The following TBCEL variants were observed in gnomAD, a reference collection of about 807,000 sequenced individuals.
The protein encoded by TBCEL is tubulin folding cofactor E like.
In TBCEL, 15 loss-of-function variants were observed where a neutral mutation model predicts 44.2. The observed-to-expected ratio is 0.34, with a 90% confidence interval of 0.23 to 0.52. The LOEUF is 0.52. TBCEL is among the 20% of genes least tolerant of loss of function. The pLI, the probability that TBCEL is intolerant of heterozygous loss-of-function variation, is 0.95. For synonymous variants in TBCEL, 171 were observed against 185.4 expected, an observed-to-expected ratio of 0.92 and a Z score of 0.63; for missense variants, 319 against 506.3, an observed-to-expected ratio of 0.63 and a Z score of 3.55.
intron 8 of TBCEL, among the ~76,000 whole-genome samples, chr11:121,086,219 T>G (rs547397517): frequency 2.6e-5 from 4 of 152,336 alleles, no homozygotes; most frequent in African/African-American, 9.6e-5. Context: ...TTTCCAAGAA[T>G]GTATTCTTAA....
chr11:121,055,203 G>T lies in TBCEL; in HGVS notation c.607G>T (p.Asp203Tyr). 6.2e-7 allele frequency: 1 copy of T among 1,612,214 alleles called. No homozygotes were observed. Among genetic ancestry groups the T allele is most frequent in the Non-Finnish European group, 8.5e-7 (1 of 1,178,968 alleles). ...RKLGVMFPSL[D>Y]TLVLANNHLN... ...GTTAGGAGTTATGTTTCCTTCACTG[G>T]ATACCCTCGTCCTGGCCAACAATCA... The change falls in exon 6 of 9, where the codon GAT becomes TAT. Residue 203 changes from aspartate (D) to tyrosine (Y), a missense_variant. Transcript: ENST00000683345.
chr11:121,083,272 GATA>G (rs986760572), intron 8 of TBCEL, among the ~76,000 whole-genome samples: 28 of 152,346 alleles, frequency 1.8e-4, no homozygotes, highest in African/African-American at 6.5e-4. Context: ...TACGTAGGAA[GATA>G]ATGAGTGGGA....
At chr11:121,057,001 A>C (rs140224377) in intron 6 of TBCEL, among the ~76,000 whole-genome samples, 3 of 151,986 alleles carry the variant, frequency 2.0e-5, no homozygotes, top group Admixed American at 2.0e-4. Flanking sequence ...AAATAACTCT[A>C]ACCTACAACT....
At chr11:121,067,976 T>C (rs1043173727) in intron 8 of TBCEL, among the ~76,000 whole-genome samples, 2 of 152,226 alleles carry the variant, frequency 1.3e-5, no homozygotes, top group African/African-American at 2.4e-5. Context: ...GCCCTCTTCA[T>C]GTTCCCAACC....
At chr11:121,029,463 A>G (rs1305087126) in intron 1 of TBCEL, among the ~76,000 whole-genome samples, 1 of 152,248 alleles carries the variant, frequency 6.6e-6, no homozygotes, top group Non-Finnish European at 1.5e-5. Flanking sequence ...AATAACTGTG[A>G]AATGGCTATT....
intron 6 of TBCEL, among the ~76,000 whole-genome samples, chr11:121,057,192 A>G (rs1307071026): frequency 2.6e-5 from 4 of 151,826 alleles, no homozygotes; most frequent in Non-Finnish European, 5.9e-5. Context: ...GACTTGGGGT[A>G]GTTACACACC....
intron 8 of TBCEL, among the ~76,000 whole-genome samples, chr11:121,070,021 C>T (rs1482193786): frequency 6.6e-6 from 1 of 152,102 alleles, no homozygotes; most frequent in Non-Finnish European, 1.5e-5. Flanking sequence ...AAAAAATCAA[C>T]CCCATCAAAA....
At chr11:121,064,757 G>A (rs548960582) in intron 8 of TBCEL, among the ~76,000 whole-genome samples, 1 of 152,190 alleles carries the variant, frequency 6.6e-6, no homozygotes, top group Admixed American at 6.5e-5. Flanking sequence ...GATTTGTAAC[G>A]GAGAACAGGT....
At chr11:121,055,660 C>A (rs909400193) in intron 6 of TBCEL, among the ~76,000 whole-genome samples, 1 of 151,758 alleles carries the variant, frequency 6.6e-6, no homozygotes, top group Non-Finnish European at 1.5e-5. Context: ...TTAAGAAATC[C>A]CAACCTGCTG....
chr11:121,047,557 T>C lies in TBCEL; in HGVS notation c.163T>C (p.Leu55=). 1 of 1,612,638 alleles carries C rather than the reference T, an allele frequency of 6.2e-7. No individual in the cohort carries two copies. The highest frequency in any genetic ancestry group is 8.5e-7 in the Non-Finnish European group (1 of 1,179,056). The change falls in exon 4 of 9, where the codon TTG becomes CTG. Residue 55 remains leucine (L), a synonymous_variant. Transcript: ENST00000683345. The stretch of plus-strand genomic sequence containing the variant: ...CCTCAACCTCCCAAGTGTACTAGTG[T>C]TGAACAGCTGTGGAATAACCTGTGC... ...DRLNLPSVLV[L]NSCGITCAGD...
chr11:121,055,073 C>A lies in TBCEL; in HGVS notation c.477C>A (p.Cys159Ter). 1 of 1,543,892 alleles carries A rather than the reference C, an allele frequency of 6.5e-7. No individual in the cohort carries two copies. Among genetic ancestry groups the A allele is most frequent in the South Asian group, 1.3e-5 (1 of 77,770 alleles). The change falls in exon 6 of 9, where the codon TGC becomes TGA. Residue 159 changes from cysteine to a stop codon, truncating the protein, a stop_gained. Transcript: ENST00000683345. LOFTEE classifies it high-confidence loss of function. ...ELPDLEELFLCLNDYETVSCP... is the reference protein window; with the variant it reads ...ELPDLEELFL ...GCAGTTTGGAGGAGCTCTTCCTGTG[C>A]CTTAATGACTATGAAACAGTGTCTT...
rs1049233710 is a variant in TBCEL at position 121,087,794 on chromosome 11, C to G, written c.*698C>G. On this transcript the variant is annotated 3_prime_UTR_variant, in exon 9 of 9. Transcript: ENST00000683345. ...GAAGAGTAGATGTAGAATGAAAACT[C>G]CAGGAAAACTTGCAGTTATTCTGGA... The G allele has an allele frequency of 6.6e-6, 1 of 152,148 alleles. No homozygotes were observed. Among genetic ancestry groups the G allele is most frequent in the African/African-American group, 2.4e-5 (1 of 41,422 alleles). 9.4% of individuals were successfully genotyped at this position (152,148 alleles called of 1,614,324 possible).
chr11:121,047,957 A>AG (rs71473181), intron 4 of TBCEL: 4 of 209,260 alleles, frequency 1.9e-5, no homozygotes, highest in African/African-American at 9.4e-5. Flanking sequence ...AAAAAAAAAA[A>AG]GGCAAATAAC....
intron 6 of TBCEL, chr11:121,057,475 A>G: frequency 2.9e-6 from 1 of 344,214 alleles, no homozygotes; most frequent in South Asian, 2.4e-5. Context: ...TCAAAGGTTC[A>G]GGTTTTTTGT....
chr11:121,057,999 T>C (rs539309772), intron 6 of TBCEL, among the ~76,000 whole-genome samples: 1 of 151,968 alleles, frequency 6.6e-6, no homozygotes, highest in Non-Finnish European at 1.5e-5. Context: ...GTCACATAGC[T>C]TTCTTTAAAT....
At chr11:121,082,926 A>G (rs1463334585) in intron 8 of TBCEL, among the ~76,000 whole-genome samples, 1 of 152,082 alleles carries the variant, frequency 6.6e-6, no homozygotes, top group African/African-American at 2.4e-5. Context: ...GGGGTCCTTG[A>G]CTCTAGAAAC....
intron 2 of TBCEL, among the ~76,000 whole-genome samples, chr11:121,044,872 T>C (rs1945401125): frequency 6.6e-6 from 1 of 152,114 alleles, no homozygotes; most frequent in African/African-American, 2.4e-5. Flanking sequence ...GGTCCAGTTA[T>C]AGGTAACTAA....
chr11:121,055,766 CTTAT>C (rs1945608891), intron 6 of TBCEL, among the ~76,000 whole-genome samples: 1 of 151,674 alleles, frequency 6.6e-6, no homozygotes, highest in South Asian at 2.1e-4. Context: ...ATTTATTTAG[CTTAT>C]TTCTTTTTTT....
intron 8 of TBCEL, among the ~76,000 whole-genome samples, chr11:121,081,251 AT>A (rs1011617606): frequency 2.6e-5 from 4 of 151,324 alleles, no homozygotes; most frequent in Non-Finnish European, 5.9e-5. Context: ...TTTGTAGTAA[AT>A]TTTTTTTTAC....
Sources: gnomAD v4.1 joint callset for allele counts (sites outside exome capture counted in the v4.1 genomes callset) on GRCh38, gnomAD v4.1.1 for gene constraint, MANE v1.5 for transcripts, NCBI Gene and HGNC (gene_info 2026-07-23, HGNC 2026-07-21) for gene names.